Variants in HK3 observed in about 807,000 individuals in gnomAD.
HK3 encodes the protein hexokinase 3.
HK3 carries 93 observed loss-of-function variants against 91.0 expected under a neutral mutation model. The observed-to-expected ratio is 1.02, with a 90% CI of 0.86 to 1.21. HK3 has a LOEUF of 1.21. HK3 is among the 50% of genes most tolerant of loss of function. The probability of loss-of-function intolerance (pLI) is 0.00; values close to 1 mark genes in which losing one functional copy is unlikely to be tolerated. For missense variants in HK3, 1,235 were observed against 1,247.4 expected, an observed-to-expected ratio of 0.99 and a Z score of 0.15; for synonymous variants, 519 against 516.9, an observed-to-expected ratio of 1.00 and a Z score of -0.06.
At position 176,884,480 on chromosome 5, in the gene HK3, G is replaced by A. The variant is rs186253566; in HGVS notation, c.1858-346C>T. The stretch of plus-strand genomic sequence containing the variant: ...AGCTGGTAAAGTGAGTGCTGTGTGT[G>A]AGACAGGGGAGGACAGAGAAGGCTC... On this transcript the variant is annotated intron_variant, in intron 13 of 18. Coordinates refer to ENST00000292432, the MANE Select transcript of HK3 (RefSeq NM_002115.3). The surrounding 1 kb of genome is among the most constrained non-coding windows in gnomAD (Gnocchi z 4.1). Among the ~76,000 whole-genome samples the A allele has an allele frequency of 1.2e-3, 185 of 152,352 alleles. No homozygotes were observed. Among genetic ancestry groups the A allele is most frequent in the Non-Finnish European group, 1.8e-3 (122 of 68,038 alleles).
In HK3 at chr5:176,881,929, G is replaced by T; in HGVS notation, c.2237+15C>A. ...CGGTCACAGCCAGCCACCACTGCCT[G>T]GGCCCAGCCCACACCTCTGCTTGCC... On this transcript the variant is annotated intron_variant, in intron 16 of 18. Transcript: ENST00000292432. 1.2e-6 allele frequency: 2 copies of T among 1,612,960 alleles called. No homozygotes were observed. The highest frequency in any genetic ancestry group is 8.5e-7 in the Non-Finnish European group (1 of 1,179,310).
At chr5:176,897,406 G>A (rs1176466970) in intron 1 of HK3, among the ~76,000 whole-genome samples, 1 of 152,110 alleles carries the variant, frequency 6.6e-6, no homozygotes, top group Non-Finnish European at 1.5e-5. Flanking sequence ...TATGGGAAGA[G>A]ACATCTGTCC....
In HK3 at chr5:176,887,084, TG is replaced by T. The variant is rs1758607781; in HGVS notation, c.1774del (p.Gln592SerfsTer6). On this transcript the variant is annotated frameshift_variant, in exon 13 of 19. Coordinates refer to ENST00000292432, the MANE Select transcript of HK3 (RefSeq NM_002115.3). LOFTEE classifies it high-confidence loss of function. This position sits in a 1 kb window ranked among gnomAD's most constrained non-coding sequence, Gnocchi z 4.9. ...CTGCCCGCTCAGGCCCTGCTTCTGCTGGAAGTCCACGATGCAGTCCACGATG... is the reference window on the plus strand; with the variant it reads ...CTGCCCGCTCAGGCCCTGCTTCTGCTGAAGTCCACGATGCAGTCCACGATG... ...DHIVDCIVDF[Q>X]QKQGLSGQSL... is the part of the protein sequence containing the mutation. 1 of 1,614,074 alleles carries T rather than the reference TG, an allele frequency of 6.2e-7. No homozygotes were observed. Among genetic ancestry groups the T allele is most frequent in the Non-Finnish European group, 8.5e-7 (1 of 1,180,032 alleles).
At chr5:176,882,495 G>A (rs1186190205) in intron 15 of HK3, among the ~76,000 whole-genome samples, 1 of 152,214 alleles carries the variant, frequency 6.6e-6, no homozygotes, top group Non-Finnish European at 1.5e-5. Context: ...CGGCCTGCCA[G>A]GCCCTTAATC....
Position 176,890,814 on chromosome 5 carries a change from C to T in HK3, c.534+8G>A, listed in dbSNP as rs768323887. ...TCTACCCAGCGTCCCATGTCCACTCCACCTCACCCTGTCCAAGCCCGTCTG... is the reference window on the plus strand; with the variant it reads ...TCTACCCAGCGTCCCATGTCCACTCTACCTCACCCTGTCCAAGCCCGTCTG... On this transcript the variant is annotated splice_region_variant and intron_variant, in intron 5 of 18. Coordinates refer to ENST00000292432, the MANE Select transcript of HK3 (RefSeq NM_002115.3). 2.2e-5 allele frequency: 35 copies of T among 1,614,092 alleles called. No homozygotes were observed. The highest frequency in any genetic ancestry group is 2.7e-5 in the Non-Finnish European group (32 of 1,180,052).
chr5:176,887,396 C>T lies in HK3; in HGVS notation c.1600+55G>A. 3 of 1,613,074 alleles carry T rather than the reference C, an allele frequency of 1.9e-6. 1 individual carries two copies. In the South Asian group the frequency reaches 3.3e-5, roughly 18 times the overall value. Reference sequence around the variant, plus strand: ...GGCTTGTGGCTCCAGCCCCAGCACACACTGGGACCCCCAGGAGCCCATGTT... The same window carrying T: ...GGCTTGTGGCTCCAGCCCCAGCACATACTGGGACCCCCAGGAGCCCATGTT... On this transcript the variant is annotated intron_variant, in intron 11 of 18. Transcript: ENST00000292432. This position sits in a 1 kb window ranked among gnomAD's most constrained non-coding sequence, Gnocchi z 4.9.
At chr5:176,890,386 CTA>C (rs2149376475) in intron 6 of HK3, among the ~76,000 whole-genome samples, 1 of 152,344 alleles carries the variant, frequency 6.6e-6, no homozygotes, top group African/African-American at 2.4e-5. Flanking sequence ...AGGTCAAAGT[CTA>C]TTCATGTTTT....
chr5:176,881,525 C>T lies in HK3; in HGVS notation c.2404G>A (p.Ala802Thr). ...AGGATGGCTCGGACCTGCCGCAGGGCCAGGCTGTCACTGGGGGCCAGGAAG... is the reference window on the plus strand; with the variant it reads ...AGGATGGCTCGGACCTGCCGCAGGGTCAGGCTGTCACTGGGGGCCAGGAAG... ...FLSEIESDSL[A>T]LRQVRAILED... is the part of the protein sequence containing the mutation. Residue 802 changes from alanine to threonine, a missense_variant, in exon 18 of 19, where the codon GCC (alanine) becomes ACC (threonine). Transcript: ENST00000292432. 3 of 1,602,570 alleles carry T rather than the reference C, an allele frequency of 1.9e-6. No individual in the cohort carries two copies. Among genetic ancestry groups the T allele is most frequent in the Non-Finnish European group, 1.7e-6 (2 of 1,177,284 alleles).
chr5:176,887,113 G>A lies in HK3; in HGVS notation c.1746C>T (p.Asp582=), dbSNP rs1369123871. The part of the protein sequence containing the change: ...VAQGSGQQLF[D]HIVDCIVDFQ... ...AGTCCACGATGCAGTCCACGATGTG[G>A]TCAAAGAGCTGTGGGGCAGGACAGG... The change falls in exon 13 of 19, where the codon GAC becomes GAT. Residue 582 remains aspartate (D), a synonymous_variant. Transcript: ENST00000292432. The surrounding 1 kb of genome is among the most constrained non-coding windows in gnomAD (Gnocchi z 4.9). The A allele has an allele frequency of 1.1e-5, 17 of 1,614,222 alleles. No homozygotes were observed. Among genetic ancestry groups the A allele is most frequent in the Non-Finnish European group, 1.4e-5 (17 of 1,180,044 alleles).
Position 176,887,886 on chromosome 5 carries a change from AG to A in HK3, c.1305-141del. ...GACCCCTAGGGCCTCCTGAAGCCCA[AG>A]GCCCCATCACTTTTTTTTTTTTATT... is the stretch of plus-strand genomic sequence containing the variant. On this transcript the variant is annotated intron_variant, in intron 10 of 18. Coordinates refer to ENST00000292432, the MANE Select transcript of HK3 (RefSeq NM_002115.3). This position sits in a 1 kb window ranked among gnomAD's most constrained non-coding sequence, Gnocchi z 4.9. 1 of 743,986 alleles carries A rather than the reference AG, an allele frequency of 1.3e-6. No individual in the cohort carries two copies. Among genetic ancestry groups the A allele is most frequent in the Middle Eastern group, 3.9e-4 (1 of 2,596 alleles). The allele number at this position is 743,986 out of a possible 1,614,324, so 46.1% of individuals were successfully genotyped here.
intron 17 of HK3, 59 bp downstream of exon 17, chr5:176,881,633 C>A: frequency 1.9e-6 from 3 of 1,604,048 alleles, no homozygotes; most frequent in Admixed American, 1.7e-5. Context: ...GGCCAGCAAT[C>A]CCCCACAGTG....
rs139006081 is a variant in HK3, at chr5:176,881,967, C to T, written c.2214G>A (p.Ala738=). The T allele has an allele frequency of 1.1e-4, 185 of 1,613,506 alleles. 1 individual carries two copies. In the Middle Eastern group the frequency reaches 2.6e-3, roughly 23 times the overall value. The part of the protein sequence containing the change: ...STRFDASVDQ[A]SINPGKQRFE... Reference sequence around the variant, plus strand: ...ACCTCTGCTTGCCGGGGTTGATGGACGCCTGGTCCACACTTGCATCAAAGC... The same window carrying T: ...ACCTCTGCTTGCCGGGGTTGATGGATGCCTGGTCCACACTTGCATCAAAGC... Residue 738 remains alanine, a synonymous_variant, in exon 16 of 19, where the codon GCG becomes GCA. Coordinates refer to ENST00000292432, the MANE Select transcript of HK3 (RefSeq NM_002115.3).
Position 176,899,330 on chromosome 5 carries a change from C to G in HK3, c.-90G>C, listed in dbSNP as rs866654029. 6.6e-6 allele frequency: 1 copy of G among 152,216 alleles called. No homozygotes were observed. Among genetic ancestry groups the G allele is most frequent in the Non-Finnish European group, 1.5e-5 (1 of 68,076 alleles). The allele number at this position is 152,216 out of a possible 1,614,324, so 9.4% of individuals were successfully genotyped here. ...AGCTCTTGTCTGGCAATATGAGGCA[C>G]CCCAATGACCAAAAGCAACACTCAG... On this transcript the variant is annotated 5_prime_UTR_variant, in exon 1 of 19. Transcript: ENST00000292432.
chr5:176,895,548 A>T (rs577958529), intron 2 of HK3, among the ~76,000 whole-genome samples: 20 of 152,324 alleles, frequency 1.3e-4, no homozygotes, highest in African/African-American at 4.8e-4. Context: ...GGTCAAGATG[A>T]CAGAAAAAGA....
Position 176,888,640 on chromosome 5 carries a change from G to T in HK3, c.1070+69C>A. On this transcript the variant is annotated intron_variant, in intron 9 of 18. Transcript: ENST00000292432. ...CCCACTAAAGCCCCATGGCTACCTT[G>T]GGAACAGAGTATCATCCCCTTCCTC... 5 of 1,611,420 alleles carry T rather than the reference G, an allele frequency of 3.1e-6. No homozygotes were observed. In the South Asian group the frequency reaches 5.5e-5, roughly 18 times the overall value.
At chr5:176,882,411 C>T (rs918405161) in intron 15 of HK3, among the ~76,000 whole-genome samples, 1 of 152,202 alleles carries the variant, frequency 6.6e-6, no homozygotes, top group African/African-American at 2.4e-5. Context: ...TCCTGTCATT[C>T]CCCTGGGAGA....
chr5:176,889,727 CA>C lies in HK3; in HGVS notation c.647del (p.Val216GlyfsTer5), dbSNP rs1758714660. The C allele has an allele frequency of 6.2e-7, 1 of 1,613,938 alleles. No individual in the cohort carries two copies. The highest frequency in any genetic ancestry group is 1.3e-5 in the African/African-American group (1 of 74,906). On this transcript the variant is annotated frameshift_variant, in exon 7 of 19. Transcript: ENST00000292432. LOFTEE classifies it high-confidence loss of function. ...CCACTGTGTCGTTCACCACAGCAACCACGTCGATGTTGTAGGCCTAGATGAT... is the reference window on the plus strand; with the variant it reads ...CCACTGTGTCGTTCACCACAGCAACCCGTCGATGTTGTAGGCCTAGATGAT... ...IRRQGAYNID[V>X]VAVVNDTVGT...
chr5:176,896,349 G>T (rs1758910179), intron 1 of HK3, among the ~76,000 whole-genome samples, 164 bp from the exon 2 acceptor site: 1 of 152,152 alleles, frequency 6.6e-6, no homozygotes, highest in Non-Finnish European at 1.5e-5. Context: ...CAACCAGAAG[G>T]CCCTTGTTTT....
intron 13 of HK3, 101 bp downstream of exon 13, chr5:176,886,901 C>T: frequency 7.1e-7 from 1 of 1,401,372 alleles, no homozygotes; most frequent in East Asian, 2.4e-5. Flanking sequence ...CAACCCCAGA[C>T]CCGCCACCGC....
Sources: allele counts gnomAD v4.1 joint callset (sites outside exome capture counted in the v4.1 genomes callset), GRCh38; gene constraint gnomAD v4.1.1; non-coding constraint Gnocchi (gnomAD v3.1); transcripts MANE v1.5; gene names NCBI Gene and HGNC (gene_info 2026-07-23, HGNC 2026-07-21).